INTS2: variants seen among roughly 807,000 people sequenced by gnomAD.
INTS2 encodes KIAA1287.
In INTS2, 57 loss-of-function variants were observed where a neutral mutation model predicts 139.6. The observed-to-expected ratio is 0.41, with a 90% CI of 0.33 to 0.51. The LOEUF is 0.51. Ranked by LOEUF, INTS2 falls within the 20% of genes least tolerant of loss-of-function variation. The pLI is 0.28. For missense variants in INTS2, 1,196 were observed against 1,436.7 expected (o/e 0.83, Z 2.71); for synonymous variants, 473 against 493.4 (o/e 0.96, Z 0.55).
chr17:61,923,306 T>C (rs1331453320), intron 3 of INTS2, among the ~76,000 whole-genome samples: 1 of 150,230 alleles, frequency 6.7e-6, no homozygotes, highest in Non-Finnish European at 1.5e-5. Flanking sequence ...TGAAACCCCG[T>C]CTCTACTAAA....
chr17:61,878,177 C>G (rs1567891160), intron 17 of INTS2, 89 bp from the exon 18 acceptor site: 3 of 760,118 alleles, frequency 3.9e-6, no homozygotes, highest in Middle Eastern at 5.2e-4. Context: ...ATAGACCAAA[C>G]AAATCAAGAA....
At position 61,911,710 on chromosome 17, in the gene INTS2, A is replaced by G. The variant is rs777147855; in HGVS notation, c.781-17T>C. ...TTCTTCCACCTAGCACAGAAAAGAA[A>G]ACAAACTGAATTCAGTATCATAAGC... On this transcript the variant is annotated splice_polypyrimidine_tract_variant and intron_variant, in intron 6 of 24. Coordinates refer to ENST00000251334, the MANE Select transcript of INTS2 (RefSeq NM_001351695.2). 6.2e-7 allele frequency: 1 copy of G among 1,604,500 alleles called. No individual in the cohort carries two copies. Among genetic ancestry groups the G allele is most frequent in the Admixed American group, 1.7e-5 (1 of 58,050 alleles).
In INTS2 at chr17:61,867,361, A is replaced by C. The variant is rs2079053796; in HGVS notation, c.*196T>G. ...CAATAGAAACATATCAGCAAAGTAG[A>C]TCCAAAGATGTGCCAATCAGAAACA... On this transcript the variant is annotated 3_prime_UTR_variant, in exon 25 of 25. Coordinates refer to ENST00000251334, the MANE Select transcript of INTS2 (RefSeq NM_001351695.2). The surrounding 1 kb of genome is among the most constrained non-coding windows in gnomAD (Gnocchi z 5.6). 2.6e-6 allele frequency: 1 copy of C among 390,522 alleles called. No homozygotes were observed. The highest frequency in any genetic ancestry group is 4.5e-6 in the Non-Finnish European group (1 of 220,292). The allele number at this position is 390,522 out of a possible 1,614,324, so 24.2% of individuals were successfully genotyped here.
Position 61,888,564 on chromosome 17 carries a change from C to CGTGCGTGTGT in INTS2, c.1984+1221_1984+1222insACACACGCAC, listed in dbSNP as rs755542102. 3.3e-3 allele frequency among the ~76,000 whole-genome samples: 400 copies of CGTGCGTGTGT among 119,662 alleles called. 1 individual carries two copies. The highest frequency in any genetic ancestry group is 0.01 in the African/African-American group (366 of 34,954). 78.5% of individuals were successfully genotyped at this position (119,662 alleles called of 152,430 possible). On this transcript the variant is annotated intron_variant, in intron 15 of 24. Coordinates refer to ENST00000251334, the MANE Select transcript of INTS2 (RefSeq NM_001351695.2). ...TTCTCTGTGTGCGTGTGTGTGCGTGCGTGTGTGTGTGTGTGTGTGTGTGTG... is the reference window on the plus strand; with the variant it reads ...TTCTCTGTGTGCGTGTGTGTGCGTGCGTGCGTGTGTGTGTGTGTGTGTGTGTGTGTGTGTG...
At position 61,897,782 on chromosome 17, in the gene INTS2, T is replaced by C. The variant is rs763608156; in HGVS notation, c.1308-43A>G. 7.2e-6 allele frequency: 9 copies of C among 1,251,192 alleles called. No individual in the cohort carries two copies. In the Admixed American group the frequency reaches 1.5e-4, roughly 21 times the overall value. The allele number at this position is 1,251,192 out of a possible 1,614,324, so 77.5% of individuals were successfully genotyped here. A position where few individuals can be genotyped will look rare whatever the true frequency, so the allele number is the denominator to read the frequency against. On this transcript the variant is annotated intron_variant, in intron 9 of 24. Transcript: ENST00000251334. The surrounding 1 kb of genome is among the most constrained non-coding windows in gnomAD (Gnocchi z 4.4). ...GAATGTCACTGGTTTAAATTAGATA[T>C]ACTAGCATATGAATAAAAAGCATTC...
rs369648189 is a variant in INTS2 at position 61,869,347 on chromosome 17, C to A, written c.3064G>T (p.Ala1022Ser). ...YPCELLPLTV[A>S]GIPSMHICLD... is the part of the protein sequence containing the mutation. Reference sequence around the variant, plus strand: ...CAGATGTGCATAGATGGAATACCTGCGACCGTCAGAGGCAAAAGTTCACAT... The same window carrying A: ...CAGATGTGCATAGATGGAATACCTGAGACCGTCAGAGGCAAAAGTTCACAT... Residue 1022 changes from alanine to serine, a missense_variant, in exon 22 of 25, where the codon GCA becomes TCA. Transcript: ENST00000251334. This position sits in a 1 kb window ranked among gnomAD's most constrained non-coding sequence, Gnocchi z 5.4. The A allele has an allele frequency of 1.2e-6, 2 of 1,606,306 alleles. No individual in the cohort carries two copies. Among genetic ancestry groups the A allele is most frequent in the Non-Finnish European group, 1.7e-6 (2 of 1,176,058 alleles).
chr17:61,923,674 T>TGTG (rs548017137), intron 3 of INTS2, among the ~76,000 whole-genome samples: 10,215 of 152,014 alleles, frequency 0.067, 589 homozygotes, highest in South Asian at 0.3. Flanking sequence ...AGTGGGTTTT[T>TGTG]GTGGTGGTGG....
At position 61,865,396 on chromosome 17, in the gene INTS2, A is replaced by G. The variant is rs1169530600; in HGVS notation, c.*2161T>C. On this transcript the variant is annotated 3_prime_UTR_variant, in exon 25 of 25. Transcript: ENST00000251334. This position sits in a 1 kb window ranked among gnomAD's most constrained non-coding sequence, Gnocchi z 4.8. Reference sequence around the variant, plus strand: ...TTTGATAAAGAATATGAATGTTTATAAACCAATATTCAAAATAGCTGCACA... The same window carrying G: ...TTTGATAAAGAATATGAATGTTTATGAACCAATATTCAAAATAGCTGCACA... 6.6e-6 allele frequency: 1 copy of G among 152,670 alleles called. No individual in the cohort carries two copies. The highest frequency in any genetic ancestry group is 2.4e-5 in the African/African-American group (1 of 41,464). The allele number at this position is 152,670 out of a possible 1,614,324, so 9.5% of individuals were successfully genotyped here. A position where few individuals can be genotyped will look rare whatever the true frequency, so the allele number is the denominator to read the frequency against.
chr17:61,926,566 C>A lies in INTS2; in HGVS notation c.79G>T (p.Ala27Ser). The part of the protein sequence containing the change: ...AMQKVDVVCL[A>S]SLSDPELRLL... Reference sequence around the variant, plus strand: ...CTTAATTCTGGATCACTTAAAGATGCCAGGCAAACAACATCCACCTTCTGC... The same window carrying A: ...CTTAATTCTGGATCACTTAAAGATGACAGGCAAACAACATCCACCTTCTGC... Residue 27 changes from alanine (A) to serine (S), a missense_variant, in exon 2 of 25, where the codon GCA (alanine) becomes TCA (serine). Physicochemically the swap from Ala to Ser is moderately conservative, Grantham distance 99 (BLOSUM62 1). Around this residue, in one of 3 missense-constraint regions of INTS2, gnomAD observed 36 missense variants for 30.1 expected, o/e 1.19. Coordinates refer to ENST00000251334, the MANE Select transcript of INTS2 (RefSeq NM_001351695.2). 1 of 1,613,002 alleles carries A rather than the reference C, an allele frequency of 6.2e-7. No individual in the cohort carries two copies. The highest frequency in any genetic ancestry group is 8.5e-7 in the Non-Finnish European group (1 of 1,179,442).
At chr17:61,914,107 A>G (rs1390392187) in intron 5 of INTS2, among the ~76,000 whole-genome samples, 1 of 151,908 alleles carries the variant, frequency 6.6e-6, no homozygotes, top group Non-Finnish European at 1.5e-5. Flanking sequence ...AGATTAAAAA[A>G]AATGAAGACC....
At position 61,889,275 on chromosome 17, in the gene INTS2, C is replaced by T. The variant is rs567351206; in HGVS notation, c.1984+511G>A. Among the ~76,000 whole-genome samples the T allele has an allele frequency of 5.3e-5, 8 of 151,996 alleles. No individual in the cohort carries two copies. The South Asian group carries it at 1.2e-3, about 24-fold the overall frequency. On this transcript the variant is annotated intron_variant, in intron 15 of 24. Transcript: ENST00000251334. ...CTAATTTTTGTATTTTTAGTAGAGA[C>T]GGGGTTTCGCCATGTTGACCAGGCT...
Position 61,870,412 on chromosome 17 carries a change from A to G in INTS2, c.2779-424T>C, listed in dbSNP as rs2079079714. On this transcript the variant is annotated intron_variant, in intron 20 of 24. Coordinates refer to ENST00000251334, the MANE Select transcript of INTS2 (RefSeq NM_001351695.2). The surrounding 1 kb of genome is among the most constrained non-coding windows in gnomAD (Gnocchi z 4.4). ...TTCCTCTTAATCTCCTACTTTTCCCAGTATGCTATCCTGATTTCCCTTTTT... is the reference window on the plus strand; with the variant it reads ...TTCCTCTTAATCTCCTACTTTTCCCGGTATGCTATCCTGATTTCCCTTTTT... Among the ~76,000 whole-genome samples the G allele has an allele frequency of 6.6e-6, 1 of 152,134 alleles. No individual in the cohort carries two copies. The highest frequency in any genetic ancestry group is 6.5e-5 in the Admixed American group (1 of 15,268).
At position 61,907,438 on chromosome 17, in the gene INTS2, T is replaced by C. The variant is rs954772717; in HGVS notation, c.1151A>G (p.Tyr384Cys). 6.3e-7 allele frequency: 1 copy of C among 1,596,004 alleles called. No homozygotes were observed. The highest frequency in any genetic ancestry group is 8.5e-7 in the Non-Finnish European group (1 of 1,171,244). The change falls in exon 8 of 25, where the codon TAC becomes TGC. Residue 384 changes from tyrosine to cysteine, a missense_variant. Transcript: ENST00000251334. The stretch of plus-strand genomic sequence containing the variant: ...TCCAGCGATCCCCATCAAAGCACAG[T>C]ACAGACGTAAGAGTGCACTGGCTTT... ...VVKASALLRL[Y>C]CALMGIAGLK...
rs1395797915 is a variant in INTS2, at chr17:61,870,771, G to A, written c.2779-783C>T. On this transcript the variant is annotated intron_variant, in intron 20 of 24. Transcript: ENST00000251334. This position sits in a 1 kb window ranked among gnomAD's most constrained non-coding sequence, Gnocchi z 4.4. ...ACTACTTTATAATCATGGTTCTTGGGGAAAGGAGTTTTTGGTTATTGTTAT... is the reference window on the plus strand; with the variant it reads ...ACTACTTTATAATCATGGTTCTTGGAGAAAGGAGTTTTTGGTTATTGTTAT... Among the ~76,000 whole-genome samples the A allele has an allele frequency of 6.6e-6, 1 of 152,090 alleles. No individual in the cohort carries two copies. Among genetic ancestry groups the A allele is most frequent in the South Asian group, 2.1e-4 (1 of 4,830 alleles).
Position 61,896,153 on chromosome 17 carries a change from T to C in INTS2, c.1495-770A>G, listed in dbSNP as rs1854031441. Among the ~76,000 whole-genome samples the C allele has an allele frequency of 7.0e-5, 10 of 142,998 alleles. No individual in the cohort carries two copies. In the South Asian group the frequency reaches 2.2e-3, roughly 31 times the overall value. The allele number at this position is 142,998 out of a possible 152,430, so 93.8% of individuals were successfully genotyped here. A position where few individuals can be genotyped will look rare whatever the true frequency, so the allele number is the denominator to read the frequency against. Reference sequence around the variant, plus strand: ...TGCTGGGGAGGCTGAGGCAGGAGAATGGCATGAACCTGGGAGACGGAGCTT... The same window carrying C: ...TGCTGGGGAGGCTGAGGCAGGAGAACGGCATGAACCTGGGAGACGGAGCTT... On this transcript the variant is annotated intron_variant, in intron 11 of 24. Transcript: ENST00000251334.
rs553064045 is a variant in INTS2, at chr17:61,872,841, A to G, written c.2583-381T>C. On this transcript the variant is annotated intron_variant, in intron 19 of 24. Coordinates refer to ENST00000251334, the MANE Select transcript of INTS2 (RefSeq NM_001351695.2). This position sits in a 1 kb window ranked among gnomAD's most constrained non-coding sequence, Gnocchi z 4.8. ...ATAAAAAATATAGGCTAAAATATAAAGATGAAATAAATGGCCAGTAAATAC... is the reference window on the plus strand; with the variant it reads ...ATAAAAAATATAGGCTAAAATATAAGGATGAAATAAATGGCCAGTAAATAC... Among the ~76,000 whole-genome samples, 22 of 152,232 alleles carry G rather than the reference A, an allele frequency of 1.4e-4. No individual in the cohort carries two copies. The highest frequency in any genetic ancestry group is 2.9e-4 in the Non-Finnish European group (20 of 68,036).
chr17:61,907,674 G>A (rs1396326211), intron 7 of INTS2, 40 bp from the exon 8 acceptor site: 1 of 1,502,156 alleles, frequency 6.7e-7, no homozygotes, highest in African/African-American at 1.4e-5. Flanking sequence ...AAAGCATGAA[G>A]CATTTACTAA....
intron 7 of INTS2, chr17:61,911,196 C>A (rs2079523277): frequency 2.9e-6 from 1 of 343,740 alleles, no homozygotes; most frequent in Non-Finnish European, 5.2e-6. Context: ...CTGGCTTAAG[C>A]AATCTTCCTG....
intron 2 of INTS2, among the ~76,000 whole-genome samples, chr17:61,925,562 G>A (rs1032640430): frequency 1.0e-4 from 15 of 149,054 alleles, no homozygotes; most frequent in African/African-American, 3.0e-4. Flanking sequence ...GGGCAACAGG[G>A]CAAGACTCGG....
Sources: allele counts gnomAD v4.1 joint callset (sites outside exome capture counted in the v4.1 genomes callset), GRCh38; gene constraint gnomAD v4.1.1; regional missense constraint gnomAD v4.1.1; non-coding constraint Gnocchi (gnomAD v3.1); transcripts MANE v1.5; gene names NCBI Gene and HGNC (gene_info 2026-07-23, HGNC 2026-07-21).